Variants in NETO2 observed in about 807,000 individuals in gnomAD.
The protein encoded by NETO2 is neuropilin and tolloid like 2.
NETO2 carries 28 observed loss-of-function variants against 62.5 expected under a neutral mutation model. The ratio of observed to expected loss-of-function variants is 0.45; its 90% confidence interval spans 0.33 to 0.61. NETO2 has a LOEUF of 0.61. NETO2 is among the 20% of genes least tolerant of loss of function. NETO2 has a pLI of 0.02. For synonymous variants in NETO2, 214 were observed against 219.1 expected, an observed-to-expected ratio of 0.98 and a Z score of 0.21; for missense variants, 548 against 643.2, an observed-to-expected ratio of 0.85 and a Z score of 1.60.
chr16:47,097,558 G>C (rs974138003), intron 7 of NETO2, among the ~76,000 whole-genome samples: 1 of 152,192 alleles, frequency 6.6e-6, no homozygotes, highest in Admixed American at 6.5e-5. Flanking sequence ...ATCTCCGTGG[G>C]ACAGAGCACC....
chr16:47,086,144 G>T, intron 8 of NETO2, 82 bp downstream of exon 8: 2 of 845,464 alleles, frequency 2.4e-6, no homozygotes, highest in Non-Finnish European at 2.0e-6. Flanking sequence ...AAGCACTGTT[G>T]TAGAAAATAA....
At chr16:47,133,661 T>A (rs1041338544) in intron 1 of NETO2, among the ~76,000 whole-genome samples, 3 of 117,866 alleles carry the variant, frequency 2.5e-5, no homozygotes, top group South Asian at 2.9e-4. Flanking sequence ...TAAAATAAAA[T>A]AAAAACATGG....
intron 8 of NETO2, among the ~76,000 whole-genome samples, chr16:47,084,540 T>C (rs961127842): frequency 6.6e-6 from 1 of 152,210 alleles, no homozygotes; most frequent in African/African-American, 2.4e-5. Context: ...AGGAGCCCTA[T>C]TATGGATAAC....
chr16:47,135,284 A>G (rs1964344451), intron 1 of NETO2, among the ~76,000 whole-genome samples: 1 of 152,142 alleles, frequency 6.6e-6, no homozygotes, highest in African/African-American at 2.4e-5. Context: ...TTCTGTCTTT[A>G]TTCCCAATCT....
At chr16:47,141,570 C>CT (rs1244124541) in intron 1 of NETO2, among the ~76,000 whole-genome samples, 1 of 152,068 alleles carries the variant, frequency 6.6e-6, no homozygotes, top group Non-Finnish European at 1.5e-5. Flanking sequence ...TTAGAATCAA[C>CT]TACTGTTAAC....
chr16:47,117,736 CTT>C (rs1963951534), intron 6 of NETO2, among the ~76,000 whole-genome samples: 1 of 152,078 alleles, frequency 6.6e-6, no homozygotes, highest in African/African-American at 2.4e-5. Flanking sequence ...TTTTCCTACT[CTT>C]TGAGAGTGTT....
intron 7 of NETO2, among the ~76,000 whole-genome samples, chr16:47,089,530 A>G (rs1394159148): frequency 1.3e-5 from 2 of 152,182 alleles, no homozygotes; most frequent in Admixed American, 1.3e-4. Context: ...GTATATATCT[A>G]ATAAGTAATT....
rs1480581008 is a variant in NETO2 at position 47,080,201 on chromosome 16, TTAG to T, written c.*3017_*3019del. ...TTCCTACATGCTTTAGATGTTGGGATTAGTAGGTTTCCTGCAATAGATCTGTGG... is the reference window on the plus strand; with the variant it reads ...TTCCTACATGCTTTAGATGTTGGGATTAGGTTTCCTGCAATAGATCTGTGG... On this transcript the variant is annotated 3_prime_UTR_variant, in exon 9 of 9. Coordinates refer to ENST00000562435, the MANE Select transcript of NETO2 (RefSeq NM_018092.5). The T allele has an allele frequency of 1.1e-4, 17 of 152,310 alleles. No homozygotes were observed. Among genetic ancestry groups the T allele is most frequent in the African/African-American group, 4.1e-4 (17 of 41,558 alleles). The allele number at this position is 152,310 out of a possible 1,614,324, so 9.4% of individuals were successfully genotyped here.
At chr16:47,119,469 T>G (rs1373865474) in intron 6 of NETO2, among the ~76,000 whole-genome samples, 1 of 152,076 alleles carries the variant, frequency 6.6e-6, no homozygotes, top group East Asian at 1.9e-4. Flanking sequence ...TCTTTTTTTT[T>G]CTAGATCAAT....
At chr16:47,135,438 T>C (rs750935948) in intron 1 of NETO2, among the ~76,000 whole-genome samples, 4 of 152,208 alleles carry the variant, frequency 2.6e-5, no homozygotes, top group Non-Finnish European at 4.4e-5. Context: ...TCTAAACTCT[T>C]TAACCATGCA....
Position 47,101,844 on chromosome 16 carries a change from A to T in NETO2, c.883+7639T>A, listed in dbSNP as rs148667199. On this transcript the variant is annotated intron_variant, in intron 7 of 8. Coordinates refer to ENST00000562435, the MANE Select transcript of NETO2 (RefSeq NM_018092.5). ...GATAGGAAGAATCAATATCGTGAAA[A>T]TGGCCATACTGCCCAAAGTAATTTA... is the stretch of plus-strand genomic sequence containing the variant. Among the ~76,000 whole-genome samples the T allele has an allele frequency of 3.7e-3, 559 of 152,342 alleles. 1 individual carries two copies. The highest frequency in any genetic ancestry group is 6.2e-3 in the Non-Finnish European group (420 of 68,026).
At chr16:47,113,585 C>CTTTTTTTTTT (rs953891691) in intron 6 of NETO2, among the ~76,000 whole-genome samples, 2 of 106,616 alleles carry the variant, frequency 1.9e-5, no homozygotes, top group Admixed American at 9.4e-5. Flanking sequence ...ACAGTTTATT[C>CTTTTTTTTTT]TTTTTTTTTT....
At chr16:47,129,123 T>C (rs748744157) in intron 3 of NETO2, 101 bp downstream of exon 3, 38 of 1,096,768 alleles carry the variant, frequency 3.5e-5, no homozygotes, top group Non-Finnish European at 4.9e-5. Flanking sequence ...CAAATACATG[T>C]TTAAATTTCA....
intron 4 of NETO2, among the ~76,000 whole-genome samples, chr16:47,126,738 T>G (rs1174504862): frequency 6.6e-6 from 1 of 152,224 alleles, no homozygotes; most frequent in Non-Finnish European, 1.5e-5. Flanking sequence ...CTCTACTTCC[T>G]GTGTAATTTT....
chr16:47,083,350 G>T lies in NETO2; in HGVS notation c.1449C>A (p.Tyr483Ter). The change falls in exon 9 of 9, where the codon TAC (tyrosine) becomes TAA (stop). Residue 483 changes from tyrosine to a stop codon, truncating the protein, a stop_gained. Transcript: ENST00000562435. LOFTEE classifies it high-confidence loss of function. ...TFNSTFKKSS[Y>*]TFKQGHECPE... ...GGCACTCATGTCCCTGTTTGAAAGT[G>T]TAACTACTTTTCTTGAAGGTGCTAT... The T allele has an allele frequency of 6.2e-7, 1 of 1,614,198 alleles. No homozygotes were observed. Among genetic ancestry groups the T allele is most frequent in the Non-Finnish European group, 8.5e-7 (1 of 1,180,034 alleles).
intron 1 of NETO2, among the ~76,000 whole-genome samples, chr16:47,136,452 T>C (rs565252633): frequency 4.5e-4 from 68 of 152,316 alleles, no homozygotes; most frequent in African/African-American, 1.5e-3. Context: ...CTGTCGCCTA[T>C]GCTGGAGTGC....
chr16:47,109,859 G>T, intron 6 of NETO2, 148 bp from the exon 7 acceptor site: 1 of 602,372 alleles, frequency 1.7e-6, no homozygotes, highest in Non-Finnish European at 2.9e-6. Flanking sequence ...AATAGTGAGA[G>T]GAACTAAGAT....
At chr16:47,132,613 C>T (rs935480771) in intron 1 of NETO2, among the ~76,000 whole-genome samples, 2 of 152,042 alleles carry the variant, frequency 1.3e-5, no homozygotes, top group African/African-American at 4.8e-5. Flanking sequence ...TTTCTGAGAC[C>T]CAATCAACAA....
At chr16:47,111,697 T>C (rs757332767) in intron 6 of NETO2, among the ~76,000 whole-genome samples, 1 of 152,184 alleles carries the variant, frequency 6.6e-6, no homozygotes. Flanking sequence ...GAAGTGGGAC[T>C]GGGTAGGCCG....
Sources: allele counts gnomAD v4.1 joint callset (sites outside exome capture counted in the v4.1 genomes callset), GRCh38; gene constraint gnomAD v4.1.1; transcripts MANE v1.5; gene names NCBI Gene and HGNC (gene_info 2026-07-23, HGNC 2026-07-21).